Variants in MAD1L1 observed in about 807,000 individuals in gnomAD.
MAD1L1 encodes mitotic spindle assembly checkpoint protein MAD1.
MAD1L1 carries 95 observed loss-of-function variants against 96.9 expected under a neutral mutation model. The observed-to-expected ratio is 0.98, with a 90% CI of 0.83 to 1.16. The LOEUF is 1.16. MAD1L1 is among the 50% of genes most tolerant of loss of function. The pLI, the probability that MAD1L1 is intolerant of heterozygous loss-of-function variation, is 0.00. For synonymous variants in MAD1L1, 473 were observed against 396.6 expected (o/e 1.19, Z -2.29); for missense variants, 1,007 against 954.4 (o/e 1.06, Z -0.73).
intron 15 of MAD1L1, among the ~76,000 whole-genome samples, chr7:1,963,198 C>T (rs1291270647): frequency 6.6e-6 from 1 of 152,200 alleles, no homozygotes; most frequent in African/African-American, 2.4e-5. Context: ...AAATGTCCAT[C>T]GCAAGGGAAC....
chr7:2,133,980 G>A (rs568321797), intron 11 of MAD1L1, among the ~76,000 whole-genome samples: 97 of 152,294 alleles, frequency 6.4e-4, no homozygotes, highest in Admixed American at 1.3e-3. Context: ...TCAGTTTTCC[G>A]GTGTTGTTCA....
chr7:1,986,344 TGGAACCACACGCCAG>T (rs1781139955), intron 14 of MAD1L1, among the ~76,000 whole-genome samples: 1 of 151,590 alleles, frequency 6.6e-6, no homozygotes, highest in African/African-American at 2.4e-5. Flanking sequence ...CAGTCCAGCT[TGGAACCACACGCCAG>T]TCCAGCTTGG....
chr7:2,013,308 T>G (rs1472492558), intron 13 of MAD1L1, among the ~76,000 whole-genome samples: 1 of 152,202 alleles, frequency 6.6e-6, no homozygotes, highest in Non-Finnish European at 1.5e-5. Flanking sequence ...GATGCCATCA[T>G]CTGCATCTCC....
At chr7:2,091,513 C>T (rs1234387447) in intron 11 of MAD1L1, among the ~76,000 whole-genome samples, 1 of 152,222 alleles carries the variant, frequency 6.6e-6, no homozygotes, top group Non-Finnish European at 1.5e-5. Context: ...CGGTAGCTCA[C>T]GCCTATGATC....
chr7:1,957,615 T>A lies in MAD1L1; in HGVS notation c.1596+14A>T. On this transcript the variant is annotated intron_variant, in intron 16 of 18. Transcript: ENST00000265854. The stretch of plus-strand genomic sequence containing the variant: ...CCCAGGCAGTGCCTCACCCAGAGGC[T>A]GCCCCGCCCTCACCTGCAGAGCTCG... The A allele has an allele frequency of 6.2e-7, 1 of 1,613,122 alleles. No homozygotes were observed. Among genetic ancestry groups the A allele is most frequent in the Non-Finnish European group, 8.5e-7 (1 of 1,179,680 alleles).
At chr7:1,976,212 C>T (rs770512730) in intron 15 of MAD1L1, among the ~76,000 whole-genome samples, 9 of 152,180 alleles carry the variant, frequency 5.9e-5, no homozygotes, top group Admixed American at 2.6e-4. Flanking sequence ...CTCCTGTGTC[C>T]GAGATTGGTG....
chr7:2,046,147 G>A (rs1448046712), intron 12 of MAD1L1, among the ~76,000 whole-genome samples: 1 of 152,178 alleles, frequency 6.6e-6, no homozygotes, highest in Non-Finnish European at 1.5e-5. Flanking sequence ...GATGCGGGTG[G>A]TGGCGCAGGC....
chr7:2,033,562 C>T (rs768145980), intron 12 of MAD1L1, among the ~76,000 whole-genome samples: 6 of 152,180 alleles, frequency 3.9e-5, no homozygotes, highest in Non-Finnish European at 5.9e-5. Flanking sequence ...ATCACTAACA[C>T]GGTAATAGAA....
chr7:2,067,859 T>C (rs750323469), intron 12 of MAD1L1, among the ~76,000 whole-genome samples: 2 of 151,822 alleles, frequency 1.3e-5, no homozygotes, highest in Non-Finnish European at 2.9e-5. Context: ...TCTGTTGAGG[T>C]GCGTGGCAGG....
chr7:2,056,949 C>G (rs890038498), intron 12 of MAD1L1, among the ~76,000 whole-genome samples: 14 of 152,260 alleles, frequency 9.2e-5, no homozygotes, highest in Admixed American at 8.5e-4. Context: ...TACCACAAAC[C>G]AAGCCCCACC....
chr7:1,888,742 GGCATGTGTGA>G (rs562656763), intron 18 of MAD1L1, among the ~76,000 whole-genome samples: 220 of 148,976 alleles, frequency 1.5e-3, no homozygotes, highest in Non-Finnish European at 2.7e-3. Context: ...TGCATGGGTG[GGCATGTGTGA>G]GCATGCATGT....
chr7:2,009,445 C>T (rs993127956), intron 13 of MAD1L1, among the ~76,000 whole-genome samples: 4 of 152,158 alleles, frequency 2.6e-5, no homozygotes, highest in African/African-American at 9.7e-5. Context: ...AAGGATGGGA[C>T]GGAAGCTCAG....
chr7:1,937,658 G>A (rs113917824), intron 16 of MAD1L1, among the ~76,000 whole-genome samples: 19,375 of 142,914 alleles, frequency 0.14, 651 homozygotes, highest in South Asian at 0.23. Context: ...CTGCGCACCC[G>A]AGACCCCGAC....
At chr7:2,069,057 C>G (rs1215337533) in intron 12 of MAD1L1, 137 bp downstream of exon 12, 1 of 1,184,502 alleles carries the variant, frequency 8.4e-7, no homozygotes, top group East Asian at 2.8e-5. Flanking sequence ...CCAGAACCCT[C>G]CTGGCAACCC....
intron 11 of MAD1L1, among the ~76,000 whole-genome samples, chr7:2,085,003 T>C (rs958395963): frequency 6.6e-6 from 1 of 152,210 alleles, no homozygotes; most frequent in African/African-American, 2.4e-5. Flanking sequence ...ACTATCATCA[T>C]GTCCTTTACA....
At position 2,176,959 on chromosome 7, in the gene MAD1L1, T is replaced by A. The variant is rs1025102552; in HGVS notation, c.987-27721A>T. Reference sequence around the variant, plus strand: ...GAGCTGTGTGGCCAGGGTTGTGAAATCAGAAGAGACACCCAGCCTTCTCCA... The same window carrying A: ...GAGCTGTGTGGCCAGGGTTGTGAAAACAGAAGAGACACCCAGCCTTCTCCA... On this transcript the variant is annotated intron_variant, in intron 10 of 18. Transcript: ENST00000265854. 1.1e-4 allele frequency among the ~76,000 whole-genome samples: 16 copies of A among 152,322 alleles called. No individual in the cohort carries two copies. In the East Asian group the frequency reaches 3.1e-3, roughly 29 times the overall value.
At chr7:2,205,101 T>C in intron 10 of MAD1L1, among the ~76,000 whole-genome samples, 1 of 144,566 alleles carries the variant, frequency 6.9e-6, no homozygotes, top group African/African-American at 2.7e-5. Context: ...TTTTTTTTTT[T>C]TTTTTTGCTT....
chr7:1,938,658 G>C (rs1362137789), intron 16 of MAD1L1, among the ~76,000 whole-genome samples: 5 of 152,108 alleles, frequency 3.3e-5, no homozygotes, highest in Non-Finnish European at 7.3e-5. Flanking sequence ...CATGTGAGCA[G>C]ACACTTCCCA....
At chr7:2,044,285 C>T (rs901572625) in intron 12 of MAD1L1, among the ~76,000 whole-genome samples, 3 of 152,220 alleles carry the variant, frequency 2.0e-5, no homozygotes, top group Admixed American at 6.5e-5. Flanking sequence ...TCTCCAGCAA[C>T]GAAACTGAGA....
Sources: gnomAD v4.1 joint callset for allele counts (sites outside exome capture counted in the v4.1 genomes callset) on GRCh38, gnomAD v4.1.1 for gene constraint, MANE v1.5 for transcripts, NCBI Gene and HGNC (gene_info 2026-07-23, HGNC 2026-07-21) for gene names.